The following PCDHA1 variants were observed in gnomAD, a reference collection of about 807,000 sequenced individuals.
The protein encoded by PCDHA1 is protocadherin alpha 1.
PCDHA1 carries 42 observed loss-of-function variants against 61.3 expected under a neutral mutation model. The observed-to-expected ratio is 0.69, with a 90% CI of 0.54 to 0.89. The LOEUF (loss-of-function observed/expected upper bound fraction) is 0.89. Among genes scored for constraint, PCDHA1 ranks in the 40% least tolerant of loss-of-function variants. PCDHA1 has a pLI of 0.00. For missense variants in PCDHA1, 1,256 were observed against 1,235.3 expected (o/e 1.02, Z -0.25); for synonymous variants, 610 against 553.8 (o/e 1.10, Z -1.43).
At chr5:140,871,043 T>A (rs763700203) in intron 1 of PCDHA1, 1 of 1,613,370 alleles carries the variant, frequency 6.2e-7, no homozygotes, top group Non-Finnish European at 8.5e-7. Context: ...CACCGACTTC[T>A]AGTACTGGTG....
chr5:140,929,410 CACA>C (rs2153600762), intron 1 of PCDHA1: 2 of 1,505,808 alleles, frequency 1.3e-6, no homozygotes, highest in East Asian at 2.3e-5. Context: ...ACAAGCCTTT[CACA>C]ACATTTCATC....
At chr5:141,004,100 ATCT>A (rs1241437793) in intron 3 of PCDHA1, among the ~76,000 whole-genome samples, 4 of 152,204 alleles carry the variant, frequency 2.6e-5, no homozygotes, top group Non-Finnish European at 5.9e-5. Context: ...TTCCGTTTTC[ATCT>A]TCTTCAAAAG....
intron 1 of PCDHA1, chr5:140,796,795 C>CT: frequency 6.2e-7 from 1 of 1,614,154 alleles, no homozygotes; most frequent in South Asian, 1.1e-5. Context: ...TTCGTACGAG[C>CT]TTCAGCTGGG....
intron 1 of PCDHA1, chr5:140,836,228 G>A (rs2150255962): frequency 1.2e-6 from 2 of 1,613,770 alleles, no homozygotes; most frequent in Admixed American, 1.7e-5. Context: ...AACCGGTGGC[G>A]GCCGGTGCGA....
At chr5:140,976,929 A>G (rs1289479026) in intron 1 of PCDHA1, among the ~76,000 whole-genome samples, 2 of 152,234 alleles carry the variant, frequency 1.3e-5, no homozygotes, top group South Asian at 2.1e-4. Flanking sequence ...AGTACTGTGT[A>G]GCTACTTAAA....
chr5:140,927,256 C>T, intron 1 of PCDHA1: 1 of 1,614,144 alleles, frequency 6.2e-7, no homozygotes, highest in Non-Finnish European at 8.5e-7. Context: ...TGACAACTCA[C>T]CTCTCTTTCC....
intron 1 of PCDHA1, among the ~76,000 whole-genome samples, chr5:140,915,164 G>T (rs782783727): frequency 2.6e-5 from 4 of 152,026 alleles, no homozygotes; most frequent in Non-Finnish European, 4.4e-5. Flanking sequence ...GGCCAGGATA[G>T]TCTCGATCTC....
At chr5:140,851,020 A>G in intron 1 of PCDHA1, 1 of 1,430,342 alleles carries the variant, frequency 7.0e-7, no homozygotes, top group Non-Finnish European at 9.2e-7. Flanking sequence ...TTTCTGATAA[A>G]GTAAACCCCT....
intron 3 of PCDHA1, among the ~76,000 whole-genome samples, chr5:141,002,367 A>T (rs2098076282): frequency 6.6e-6 from 1 of 152,248 alleles, no homozygotes; most frequent in African/African-American, 2.4e-5. Context: ...CTTTCAACTC[A>T]TTCTGGCTTA....
chr5:140,829,740 C>T (rs2150173718), intron 1 of PCDHA1: 2 of 1,613,670 alleles, frequency 1.2e-6, no homozygotes, highest in South Asian at 1.1e-5. Context: ...AGCAACGTGA[C>T]GCTGCAGGTG....
chr5:140,827,237 T>G (rs2150146778), intron 1 of PCDHA1, among the ~76,000 whole-genome samples: 1 of 152,254 alleles, frequency 6.6e-6, no homozygotes, highest in South Asian at 2.1e-4. Flanking sequence ...GGGACAGGGT[T>G]GAAGTTGAGA....
intron 1 of PCDHA1, among the ~76,000 whole-genome samples, chr5:140,905,871 G>C (rs889363141): frequency 6.6e-6 from 1 of 152,078 alleles, no homozygotes; most frequent in African/African-American, 2.4e-5. Context: ...ACAATCACAA[G>C]GCCCAACAAT....
At chr5:140,866,804 C>A (rs1157058668) in intron 1 of PCDHA1, 3 of 152,118 alleles carry the variant, frequency 2.0e-5, no homozygotes, top group Non-Finnish European at 4.4e-5. Flanking sequence ...AAGTCAGGCA[C>A]AAAGTTCCTT....
intron 3 of PCDHA1, among the ~76,000 whole-genome samples, chr5:141,000,391 CTCTCTATATA>C (rs1171335262): frequency 2.9e-3 from 162 of 56,578 alleles, no homozygotes; most frequent in African/African-American, 4.6e-3. Flanking sequence ...CTCTCTCTCT[CTCTCTATATA>C]TATATATATA....
chr5:140,808,736 G>T, intron 1 of PCDHA1: 1 of 1,612,192 alleles, frequency 6.2e-7, no homozygotes, highest in Non-Finnish European at 8.5e-7. Flanking sequence ...GAGCGGCAAG[G>T]TGTACGCGCT....
chr5:140,884,478 C>G, intron 1 of PCDHA1: 1 of 1,613,916 alleles, frequency 6.2e-7, no homozygotes, highest in African/African-American at 1.3e-5. Context: ...CCGGGCAAGC[C>G]CACTCTAGTG....
chr5:140,904,098 A>G (rs184234910), intron 1 of PCDHA1, among the ~76,000 whole-genome samples: 35 of 152,296 alleles, frequency 2.3e-4, no homozygotes, highest in African/African-American at 7.9e-4. Context: ...TAACTACTTT[A>G]GTGGTCATTG....
rs2150131677 is a variant in PCDHA1 at position 140,824,025 on chromosome 5, G to A, written c.2394+35341G>A. ...GCGCGGTGGGGAGCTGGTCGTACTC[G>A]CAGCAGAGGAGACAGAGGGTGTGCT... is the stretch of plus-strand genomic sequence containing the variant. On this transcript the variant is annotated intron_variant, in intron 1 of 3. Transcript: ENST00000504120. The A allele has an allele frequency of 1.1e-5, 17 of 1,614,020 alleles. No homozygotes were observed. In the African/African-American group the frequency reaches 1.7e-4, roughly 16 times the overall value.
rs1554149565 is a variant in PCDHA1, at chr5:140,857,132, G to T, written c.2394+68448G>T. Reference sequence around the variant, plus strand: ...TCTGTCTCTCCCAGTGAAAGAAGATGCTCAAGTGGGCACCGTCATTGCCCT... The same window carrying T: ...TCTGTCTCTCCCAGTGAAAGAAGATTCTCAAGTGGGCACCGTCATTGCCCT... On this transcript the variant is annotated intron_variant, in intron 1 of 3. Coordinates refer to ENST00000504120, the MANE Select transcript of PCDHA1 (RefSeq NM_018900.4). The T allele has an allele frequency of 3.1e-6, 5 of 1,598,146 alleles. 1 individual carries two copies. The South Asian group carries it at 3.3e-5, about 11-fold the overall frequency.
Sources: gnomAD v4.1 joint callset for allele counts (sites outside exome capture counted in the v4.1 genomes callset) on GRCh38, gnomAD v4.1.1 for gene constraint, MANE v1.5 for transcripts, NCBI Gene and HGNC (gene_info 2026-07-23, HGNC 2026-07-21) for gene names.